Variants in ZNF695 observed in about 807,000 individuals in gnomAD.
The protein encoded by ZNF695 is zinc finger protein 695.
In ZNF695, 11 loss-of-function variants were observed where a neutral mutation model predicts 11.2. That is an observed-to-expected ratio of 0.98 (90% CI 0.62 to 1.62). ZNF695 has a LOEUF of 1.62. Ranked by LOEUF, ZNF695 falls within the 40% of genes most tolerant of loss-of-function variation. The pLI is 0.00. For missense variants in ZNF695, 559 were observed against 590.5 expected (o/e 0.95, Z 0.55); for synonymous variants, 190 against 201.4 (o/e 0.94, Z 0.48).
At chr1:246,991,917 C>T (rs1245916847) in intron 3 of ZNF695, among the ~76,000 whole-genome samples, 9 of 152,074 alleles carry the variant, frequency 5.9e-5, no homozygotes, top group Non-Finnish European at 1.2e-4. Context: ...ACTTATAGGC[C>T]GGGCGCGGTG....
intron 5 of ZNF695, among the ~76,000 whole-genome samples, chr1:246,949,480 A>C (rs1209016675): frequency 6.6e-6 from 1 of 152,010 alleles, no homozygotes; most frequent in African/African-American, 2.4e-5. Context: ...AGTCCCAGCT[A>C]CTTGGGGGGC....
chr1:247,008,008 A>G lies in ZNF695; in HGVS notation c.-100T>C, dbSNP rs1185199001. On this transcript the variant is annotated 5_prime_UTR_variant, in exon 1 of 4. Transcript: ENST00000339986. Reference sequence around the variant, plus strand: ...TGCGGCAGTCACCCGGGACTCTCCGAGAGGCAGCAGACGGGAACCCAGCAC... The same window carrying G: ...TGCGGCAGTCACCCGGGACTCTCCGGGAGGCAGCAGACGGGAACCCAGCAC... 2 of 1,320,494 alleles carry G rather than the reference A, an allele frequency of 1.5e-6. No individual in the cohort carries two copies. Among genetic ancestry groups the G allele is most frequent in the Non-Finnish European group, 2.0e-6 (2 of 1,008,296 alleles). The allele number at this position is 1,320,494 out of a possible 1,614,324, so 81.8% of individuals were successfully genotyped here. A position where few individuals can be genotyped will look rare whatever the true frequency, so the allele number is the denominator to read the frequency against.
downstream of ZNF695, among the ~76,000 whole-genome samples, chr1:246,982,792 A>G (rs1170826687): frequency 6.6e-6 from 1 of 151,488 alleles, no homozygotes; most frequent in Non-Finnish European, 1.5e-5. Flanking sequence ...ATCCTTTTAA[A>G]CATCTCTCAA....
chr1:246,949,413 A>G (rs1212446381), intron 5 of ZNF695, among the ~76,000 whole-genome samples: 1 of 152,072 alleles, frequency 6.6e-6, no homozygotes, highest in Non-Finnish European at 1.5e-5. Flanking sequence ...CAACATGGCG[A>G]AACCCCGTCT....
At chr1:246,947,490 G>A (rs961064083) in intron 5 of ZNF695, among the ~76,000 whole-genome samples, 6 of 152,076 alleles carry the variant, frequency 3.9e-5, no homozygotes, top group Non-Finnish European at 8.8e-5. Flanking sequence ...CTGGGTCTCC[G>A]ACTTCCTTTC....
At chr1:246,962,337 C>T (rs1223851279) in intron 5 of ZNF695, among the ~76,000 whole-genome samples, 1 of 152,212 alleles carries the variant, frequency 6.6e-6, no homozygotes, top group Non-Finnish European at 1.5e-5. Flanking sequence ...GACTGCTTTA[C>T]ACCAGAGTTC....
At chr1:246,950,315 C>T (rs1191671503) in intron 5 of ZNF695, among the ~76,000 whole-genome samples, 1 of 152,134 alleles carries the variant, frequency 6.6e-6, no homozygotes, top group Admixed American at 6.6e-5. Flanking sequence ...TGAAAAGATT[C>T]AGACTTGCCA....
chr1:246,955,916 C>T (rs1006853138), intron 5 of ZNF695, among the ~76,000 whole-genome samples: 5 of 151,628 alleles, frequency 3.3e-5, no homozygotes, highest in Admixed American at 2.6e-4. Flanking sequence ...GATTTAGGTA[C>T]GGAGGCACGG....
chr1:247,005,953 C>T (rs1219196703), intron 1 of ZNF695, among the ~76,000 whole-genome samples: 1 of 152,072 alleles, frequency 6.6e-6, no homozygotes, highest in Admixed American at 6.6e-5. Context: ...TGGCTGGGCA[C>T]GGTGGCTCAA....
intron 4 of ZNF695, among the ~76,000 whole-genome samples, chr1:246,979,125 T>C (rs958149711): frequency 2.0e-5 from 3 of 152,122 alleles, no homozygotes; most frequent in African/African-American, 4.8e-5. Flanking sequence ...AGTCTTTACA[T>C]GGCCTGGGCT....
downstream of ZNF695, among the ~76,000 whole-genome samples, chr1:246,980,489 A>G (rs1175604162): frequency 6.7e-6 from 1 of 149,140 alleles, no homozygotes; most frequent in Admixed American, 6.8e-5. Flanking sequence ...CGATCTCAGT[A>G]CACTGCAATT....
At chr1:246,973,389 T>G (rs1164652300) in intron 4 of ZNF695, among the ~76,000 whole-genome samples, 3 of 152,204 alleles carry the variant, frequency 2.0e-5, no homozygotes, top group Non-Finnish European at 2.9e-5. Flanking sequence ...ATAGAGCAAC[T>G]TAGAATCTAT....
chr1:246,978,833 CA>C (rs1195810088), intron 4 of ZNF695, among the ~76,000 whole-genome samples: 1 of 128,620 alleles, frequency 7.8e-6, no homozygotes, highest in African/African-American at 2.5e-5. Context: ...CAGGTGTTTC[CA>C]AAGCTGCTTG....
At position 246,955,312 on chromosome 1, in the gene ZNF695, T is replaced by C. The variant is rs148802247; in HGVS notation, c.489-9485A>G. Among the ~76,000 whole-genome samples the C allele has an allele frequency of 1.3e-4, 20 of 152,330 alleles. 1 individual carries two copies. In the East Asian group the frequency reaches 3.9e-3, roughly 29 times the overall value. ...AAACCTGTACAGCATGTTACTGTAC[T>C]GAATAGTGTAAGGAAATCATCACAC... On this transcript the variant is annotated intron_variant, in intron 5 of 5. Coordinates refer to the ZNF695 transcript ENST00000487338.
intron 5 of ZNF695, among the ~76,000 whole-genome samples, chr1:246,954,234 C>T (rs567031745): frequency 3.9e-5 from 6 of 152,306 alleles, no homozygotes; most frequent in African/African-American, 7.2e-5. Flanking sequence ...TGAGAGCCAA[C>T]GGCACTAACA....
chr1:246,990,624 T>C (rs563247920), intron 3 of ZNF695, among the ~76,000 whole-genome samples: 1 of 152,248 alleles, frequency 6.6e-6, no homozygotes, highest in Non-Finnish European at 1.5e-5. Flanking sequence ...ATCTAATAGA[T>C]AGTTGCAGAA....
intron 5 of ZNF695, among the ~76,000 whole-genome samples, chr1:246,960,886 C>G (rs541222190): frequency 3.1e-3 from 469 of 152,226 alleles, no homozygotes; most frequent in Non-Finnish European, 4.9e-3. Context: ...CCACTGCACT[C>G]CAGCCTGGGT....
At chr1:246,984,560 A>G (rs1668799245), downstream of ZNF695, among the ~76,000 whole-genome samples, 2 of 152,178 alleles carry the variant, frequency 1.3e-5, no homozygotes, top group Admixed American at 1.3e-4. Context: ...CACATCTGGC[A>G]CTGCGTTATG....
chr1:246,946,996 C>T (rs764714125), intron 5 of ZNF695, among the ~76,000 whole-genome samples: 20 of 151,872 alleles, frequency 1.3e-4, no homozygotes, highest in Non-Finnish European at 2.6e-4. Context: ...AAAAATTAGC[C>T]GGGCGTGGTG....
Sources: allele counts gnomAD v4.1 joint callset (sites outside exome capture counted in the v4.1 genomes callset), GRCh38; gene constraint gnomAD v4.1.1; transcripts MANE v1.5; gene names NCBI Gene and HGNC (gene_info 2026-07-23, HGNC 2026-07-21).